COQ8A: variants seen among roughly 807,000 people sequenced by gnomAD.
COQ8A encodes the protein atypical kinase COQ8A, mitochondrial.
A neutral mutation model predicts 65.0 loss-of-function variants in COQ8A; 51 were observed. The ratio of observed to expected loss-of-function variants is 0.78; its 90% CI spans 0.63 to 0.99. The LOEUF (loss-of-function observed/expected upper bound fraction) is 0.99. Among genes scored for constraint, COQ8A ranks in the 50% least tolerant of loss-of-function variants. COQ8A has a pLI of 0.00. For synonymous variants in COQ8A, 371 were observed against 353.2 expected (o/e 1.05, Z -0.57); for missense variants, 940 against 875.0 (o/e 1.07, Z -0.94).
rs1370527140 is a variant in COQ8A at position 226,983,861 on chromosome 1, C to T, written c.1256+7C>T. On this transcript the variant is annotated splice_region_variant and intron_variant, in intron 10 of 14. Transcript: ENST00000366777. The stretch of plus-strand genomic sequence containing the variant: ...CCTGTGCCCGCAAGTTCAGGTGTGG[C>T]CCCCGGCCGGGCCCCTTGCGTGTTT... 1.5e-5 allele frequency: 24 copies of T among 1,602,154 alleles called. No homozygotes were observed. Among genetic ancestry groups the T allele is most frequent in the Non-Finnish European group, 2.0e-5 (24 of 1,176,548 alleles).
chr1:226,960,446 G>T (rs1200825062), intron 1 of COQ8A, among the ~76,000 whole-genome samples: 1 of 134,856 alleles, frequency 7.4e-6, no homozygotes, highest in African/African-American at 2.7e-5. Flanking sequence ...GGTGGTACTT[G>T]GTGGTGGTGG....
At chr1:226,969,189 C>T (rs535270458) in intron 4 of COQ8A, among the ~76,000 whole-genome samples, 17 of 152,142 alleles carry the variant, frequency 1.1e-4, no homozygotes, top group South Asian at 6.2e-4. Context: ...AATAAGCTAT[C>T]GAGAGAGGCA....
chr1:226,985,402 G>A (rs1308581552), intron 14 of COQ8A, 62 bp downstream of exon 14: 6 of 1,578,170 alleles, frequency 3.8e-6, no homozygotes, highest in Non-Finnish European at 5.2e-6. Flanking sequence ...CCCTGTGTAA[G>A]AATGGATGAA....
chr1:226,986,439 C>A lies in COQ8A; in HGVS notation c.1660-14C>A. On this transcript the variant is annotated splice_polypyrimidine_tract_variant and intron_variant, in intron 14 of 14. Coordinates refer to ENST00000366777, the MANE Select transcript of COQ8A (RefSeq NM_020247.5). The stretch of plus-strand genomic sequence containing the variant: ...GGTGTCTCGCCGCCATTTATCCTTC[C>A]TCTCTTGCCCCAGGTCATGGAAGAC... 1 of 1,611,028 alleles carries A rather than the reference C, an allele frequency of 6.2e-7. No individual in the cohort carries two copies. Among genetic ancestry groups the A allele is most frequent in the Non-Finnish European group, 8.5e-7 (1 of 1,179,888 alleles).
At chr1:226,985,229 G>A (rs760204723) in intron 13 of COQ8A, 25 bp from the exon 14 acceptor site, 6 of 1,610,910 alleles carry the variant, frequency 3.7e-6, no homozygotes, top group Admixed American at 3.3e-5. Context: ...TGCTGCCCAC[G>A]GTCCCCTCCT....
At chr1:226,958,278 G>T (rs1657931407) in intron 1 of COQ8A, 1 of 152,252 alleles carries the variant, frequency 6.6e-6, no homozygotes, top group Non-Finnish European at 1.5e-5. Context: ...GTTAGAGCAG[G>T]TTAGCACATT....
chr1:226,961,900 T>C (rs181359012), intron 2 of COQ8A, among the ~76,000 whole-genome samples: 1 of 152,302 alleles, frequency 6.6e-6, no homozygotes, highest in Non-Finnish European at 1.5e-5. Context: ...TCTCACTGTG[T>C]CCTCATGGGG....
At chr1:226,971,533 C>T (rs1415259094) in intron 4 of COQ8A, among the ~76,000 whole-genome samples, 1 of 150,684 alleles carries the variant, frequency 6.6e-6, no homozygotes, top group East Asian at 2.1e-4. Context: ...GCCTGGATGA[C>T]AGCTCCATCT....
chr1:226,983,051 G>T lies in COQ8A; in HGVS notation c.1080+17G>T. The stretch of plus-strand genomic sequence containing the variant: ...AAGATCCAGGTAGGCGGCCTGATGC[G>T]CAGTGCCTGTCCCTATGGGGGCTGC... On this transcript the variant is annotated intron_variant, in intron 8 of 14. Coordinates refer to ENST00000366777, the MANE Select transcript of COQ8A (RefSeq NM_020247.5). The T allele has an allele frequency of 1.3e-6, 2 of 1,573,058 alleles. No homozygotes were observed. Among genetic ancestry groups the T allele is most frequent in the Non-Finnish European group, 1.7e-6 (2 of 1,160,604 alleles).
In COQ8A at chr1:226,986,592, TC is replaced by T. The variant is rs768233728; in HGVS notation, c.1805del (p.Pro602HisfsTer22). 1.2e-6 allele frequency: 2 copies of T among 1,612,122 alleles called. No individual in the cohort carries two copies. The highest frequency in any genetic ancestry group is 1.7e-6 in the Non-Finnish European group (2 of 1,179,618). ...LIPVMLRHRL[V>X]PPPEETYSLH... ...CCCGTCATGCTGAGGCACCGTCTCGTCCCCCCACCCGAGGAAACCTACTCCC... is the reference window on the plus strand; with the variant it reads ...CCCGTCATGCTGAGGCACCGTCTCGTCCCCCACCCGAGGAAACCTACTCCC... On this transcript the variant is annotated frameshift_variant, in exon 15 of 15. Coordinates refer to ENST00000366777, the MANE Select transcript of COQ8A (RefSeq NM_020247.5). LOFTEE classifies it high-confidence loss of function.
chr1:226,964,754 A>T (rs1271046832), intron 2 of COQ8A, among the ~76,000 whole-genome samples: 1 of 152,248 alleles, frequency 6.6e-6, no homozygotes, highest in Non-Finnish European at 1.5e-5. Flanking sequence ...CCGGCTGGGC[A>T]CACAGTAGGT....
chr1:226,976,870 C>A (rs1490748372), intron 4 of COQ8A, among the ~76,000 whole-genome samples: 1 of 152,200 alleles, frequency 6.6e-6, no homozygotes, highest in East Asian at 1.9e-4. Flanking sequence ...CTTCCATTAC[C>A]CAGCGAGGGC....
intron 4 of COQ8A, among the ~76,000 whole-genome samples, chr1:226,974,452 G>A (rs1029302549): frequency 6.6e-6 from 1 of 151,984 alleles, no homozygotes; most frequent in African/African-American, 2.4e-5. Flanking sequence ...ATCTGAGCAG[G>A]GAGAGGTGTG....
In COQ8A at chr1:226,947,087, A is replaced by G. The variant is rs190444977; in HGVS notation, c.-10+6688A>G. Among the ~76,000 whole-genome samples the G allele has an allele frequency of 3.3e-3, 498 of 152,372 alleles. 2 individuals carry two copies. The highest frequency in any genetic ancestry group is 0.019 in the South Asian group (90 of 4,828). Reference sequence around the variant, plus strand: ...GGCCTTTGAGAGCCCAGCTGGCCCCAGAATTTTTATGACTCAATTTTCTGT... The same window carrying G: ...GGCCTTTGAGAGCCCAGCTGGCCCCGGAATTTTTATGACTCAATTTTCTGT... On this transcript the variant is annotated intron_variant, in intron 1 of 14. Transcript: ENST00000366777.
Position 226,961,370 on chromosome 1 carries a change from C to G in COQ8A, c.-9-7C>G, listed in dbSNP as rs1393822140. The stretch of plus-strand genomic sequence containing the variant: ...GGCCTCCCCTGACTTGGCCTCCTCT[C>G]TTCCAGCCCTGAAGGATGGCTGCCA... On this transcript the variant is annotated splice_polypyrimidine_tract_variant and splice_region_variant and intron_variant, in intron 1 of 14. Coordinates refer to ENST00000366777, the MANE Select transcript of COQ8A (RefSeq NM_020247.5). 7 of 1,613,454 alleles carry G rather than the reference C, an allele frequency of 4.3e-6. No homozygotes were observed. Among genetic ancestry groups the G allele is most frequent in the African/African-American group, 1.3e-5 (1 of 75,066 alleles).
At chr1:226,954,687 G>A (rs2148023721) in intron 1 of COQ8A, among the ~76,000 whole-genome samples, 1 of 152,338 alleles carries the variant, frequency 6.6e-6, no homozygotes, top group African/African-American at 2.4e-5. Context: ...TCAAACTTTG[G>A]AGGGACCAGC....
rs200403220 is a variant in COQ8A at position 226,985,287 on chromosome 1, A to G, written c.1606A>G (p.Thr536Ala). The G allele has an allele frequency of 4.8e-5, 78 of 1,613,790 alleles. 1 individual carries two copies. The highest frequency in any genetic ancestry group is 4.2e-6 in the Non-Finnish European group (5 of 1,180,012). Residue 536 changes from threonine (T) to alanine (A), a missense_variant, in exon 14 of 15, where the codon ACT (threonine) becomes GCT (alanine). Coordinates refer to ENST00000366777, the MANE Select transcript of COQ8A (RefSeq NM_020247.5). ...IRAAADRDRE[T>A]VRAKSIEMKF... is the part of the protein sequence containing the mutation. Reference sequence around the variant, plus strand: ...GGCTGCTGCCGACAGGGACAGGGAGACTGTGCGGGCGAAATCCATAGAGAT... The same window carrying G: ...GGCTGCTGCCGACAGGGACAGGGAGGCTGTGCGGGCGAAATCCATAGAGAT...
rs2148142552 is a variant in COQ8A, at chr1:226,986,474, G to A, written c.1681G>A (p.Asp561Asn). The change falls in exon 15 of 15, where the codon GAT (aspartate) becomes AAT (asparagine). Residue 561 changes from aspartate (D) to asparagine (N), a missense_variant. By Grantham distance (23) the Asp-to-Asn change is conservative. Coordinates refer to ENST00000366777, the MANE Select transcript of COQ8A (RefSeq NM_020247.5). Reference protein sequence around the residue: ...EVKVMEDAHLDAILILGEAFA... With the variant: ...EVKVMEDAHLNAILILGEAFA... ...CCAGGTCATGGAAGACGCCCACTTG[G>A]ATGCCATCCTCATCCTGGGGGAGGC... 1 of 1,612,988 alleles carries A rather than the reference G, an allele frequency of 6.2e-7. No homozygotes were observed. Among genetic ancestry groups the A allele is most frequent in the Non-Finnish European group, 8.5e-7 (1 of 1,179,994 alleles).
At chr1:226,969,636 A>G (rs1322182356) in intron 4 of COQ8A, among the ~76,000 whole-genome samples, 1 of 151,592 alleles carries the variant, frequency 6.6e-6, no homozygotes, top group African/African-American at 2.4e-5. Flanking sequence ...TGATATTACT[A>G]TAGCTACATT....
Sources: allele counts gnomAD v4.1 joint callset (sites outside exome capture counted in the v4.1 genomes callset), GRCh38; gene constraint gnomAD v4.1.1; transcripts MANE v1.5; gene names NCBI Gene and HGNC (gene_info 2026-07-23, HGNC 2026-07-21).